STK32C: variants seen among roughly 807,000 people sequenced by gnomAD.
The protein encoded by STK32C is serine/threonine-protein kinase 32C.
A neutral mutation model predicts 56.5 loss-of-function variants in STK32C; 31 were observed. The ratio of observed to expected loss-of-function variants is 0.55; its 90% CI spans 0.41 to 0.74. The LOEUF (loss-of-function observed/expected upper bound fraction) is 0.74. Among genes scored for constraint, STK32C ranks in the 30% least tolerant of loss-of-function variants. The probability of loss-of-function intolerance (pLI) is 0.00; values close to 1 mark genes in which losing one functional copy is unlikely to be tolerated. For synonymous variants in STK32C, 309 were observed against 289.4 expected (o/e 1.07, Z -0.69); for missense variants, 544 against 676.9 (o/e 0.80, Z 2.18).
chr10:132,234,022 T>C (rs2063188774), intron 2 of STK32C, among the ~76,000 whole-genome samples: 1 of 152,192 alleles, frequency 6.6e-6, no homozygotes, highest in South Asian at 2.1e-4. Flanking sequence ...CAAGCGATCG[T>C]TCCGATGAGG....
At chr10:132,248,401 A>AG (rs1330415190) in intron 1 of STK32C, among the ~76,000 whole-genome samples, 1 of 152,214 alleles carries the variant, frequency 6.6e-6, no homozygotes, top group African/African-American at 2.4e-5. Context: ...ACAGGGTGTC[A>AG]GGGCGAGGCC....
rs758310534 is a variant in STK32C at position 132,222,916 on chromosome 10, C to G, written c.1064G>C (p.Gly355Ala). Residue 355 changes from glycine (G) to alanine (A), a missense_variant, in exon 9 of 12, where the codon GGC (glycine) becomes GCC (alanine). By Grantham distance (60) the Gly-to-Ala change is moderately conservative. Coordinates refer to ENST00000298630, the MANE Select transcript of STK32C (RefSeq NM_173575.4). ...QDVQAAPALA[G>A]VLWDHLSEKR... ...CTCGCTCAGGTGGTCCCACAGCACGCCGGCCAGCGCCGGGGCTGCCTGCAC... is the reference window on the plus strand; with the variant it reads ...CTCGCTCAGGTGGTCCCACAGCACGGCGGCCAGCGCCGGGGCTGCCTGCAC... The G allele has an allele frequency of 2.6e-6, 4 of 1,559,968 alleles. No homozygotes were observed. In the South Asian group the frequency reaches 4.7e-5, roughly 18 times the overall value.
chr10:132,316,683 C>T (rs1428189874), intron 1 of STK32C, among the ~76,000 whole-genome samples: 1 of 151,800 alleles, frequency 6.6e-6, no homozygotes, highest in Non-Finnish European at 1.5e-5. Flanking sequence ...ATGTATAAAG[C>T]CCCAGGATTA....
chr10:132,220,926 C>T (rs530362249), intron 10 of STK32C, among the ~76,000 whole-genome samples: 2 of 152,354 alleles, frequency 1.3e-5, no homozygotes, highest in African/African-American at 2.4e-5. Context: ...TCACCTTACC[C>T]GCTGCCTAGA....
At chr10:132,256,854 G>A (rs1266267776) in intron 1 of STK32C, among the ~76,000 whole-genome samples, 5 of 152,250 alleles carry the variant, frequency 3.3e-5, no homozygotes, top group Non-Finnish European at 4.4e-5. Context: ...AGCTGCAATG[G>A]AGACAGCCCT....
chr10:132,207,771 T>G lies in STK32C; in HGVS notation c.*239A>C, dbSNP rs1199982669. 2.3e-6 allele frequency: 1 copy of G among 426,040 alleles called. No homozygotes were observed. The highest frequency in any genetic ancestry group is 6.2e-4 in the Middle Eastern group (1 of 1,606). 26.4% of individuals were successfully genotyped at this position (426,040 alleles called of 1,614,324 possible). A position where few individuals can be genotyped will look rare whatever the true frequency, so the allele number is the denominator to read the frequency against. On this transcript the variant is annotated 3_prime_UTR_variant, in exon 12 of 12. Transcript: ENST00000298630. ...TAAGAGGGCGCCCAGCAGCGCTTCC[T>G]CCATCTAGGCGGGTCTCGGGGGCCC...
intron 1 of STK32C, among the ~76,000 whole-genome samples, chr10:132,275,144 A>G (rs546548498): frequency 6.6e-6 from 1 of 152,292 alleles, no homozygotes; most frequent in East Asian, 1.9e-4. Flanking sequence ...CATCTGGCCC[A>G]TCAGCCCGTC....
chr10:132,226,235 G>T (rs915228464), intron 4 of STK32C, among the ~76,000 whole-genome samples: 10 of 152,210 alleles, frequency 6.6e-5, no homozygotes, highest in Non-Finnish European at 1.2e-4. Context: ...GCAAACACCA[G>T]TCCATTCGAC....
chr10:132,291,432 C>T (rs561663457), intron 1 of STK32C, among the ~76,000 whole-genome samples: 7 of 152,294 alleles, frequency 4.6e-5, no homozygotes, highest in South Asian at 2.1e-4. Context: ...GACACCTCCT[C>T]GTGGCCTTGG....
intron 2 of STK32C, among the ~76,000 whole-genome samples, chr10:132,238,224 G>A (rs867579134): frequency 2.6e-5 from 4 of 152,178 alleles, no homozygotes; most frequent in Middle Eastern, 3.2e-3. Context: ...AGGCCCCCAC[G>A]GGAAGCTACA....
chr10:132,282,715 G>T (rs1016683766), intron 1 of STK32C, among the ~76,000 whole-genome samples: 3 of 152,236 alleles, frequency 2.0e-5, no homozygotes, highest in African/African-American at 4.8e-5. Context: ...CAAAGCATCC[G>T]ATCACCCAGC....
At chr10:132,278,678 T>C (rs1433538004) in intron 1 of STK32C, among the ~76,000 whole-genome samples, 3 of 145,960 alleles carry the variant, frequency 2.1e-5, no homozygotes, top group Non-Finnish European at 1.5e-5. Context: ...GAGAATGGCA[T>C]GAACCCGGGA....
chr10:132,219,089 C>T (rs2137632485), intron 10 of STK32C, among the ~76,000 whole-genome samples: 1 of 152,290 alleles, frequency 6.6e-6, no homozygotes, highest in African/African-American at 2.4e-5. Context: ...GGGTCTTTCT[C>T]TTACATTACA....
chr10:132,234,916 G>A (rs551380892), intron 2 of STK32C, among the ~76,000 whole-genome samples: 1 of 152,370 alleles, frequency 6.6e-6, no homozygotes, highest in East Asian at 1.9e-4. Flanking sequence ...CAGGGCAAGT[G>A]ATGTGGCTGT....
At chr10:132,265,075 AGGTGGGCTCTGGGGGTGCCTCAAGGGCG>A (rs1446580751) in intron 1 of STK32C, among the ~76,000 whole-genome samples, 18 of 141,278 alleles carry the variant, frequency 1.3e-4, no homozygotes, top group African/African-American at 4.3e-4. Flanking sequence ...AAGGGCGGTG[AGGTGGGCTCTGGGGGTGCCTCAAGGGCG>A]GTGAGGTGGG....
intron 10 of STK32C, among the ~76,000 whole-genome samples, chr10:132,211,963 T>C (rs2637631): frequency 0.82 from 124,146 of 151,880 alleles, 50,876 homozygotes; most frequent in East Asian, 0.96. Flanking sequence ...TCAGGGCACC[T>C]GTGGCACCTT....
chr10:132,288,278 A>T (rs539521937), intron 1 of STK32C, among the ~76,000 whole-genome samples: 1 of 152,386 alleles, frequency 6.6e-6, no homozygotes, highest in East Asian at 1.9e-4. Flanking sequence ...AATCCTTGTG[A>T]TCAAGCGCTG....
At chr10:132,281,104 T>C (rs2065189212) in intron 1 of STK32C, among the ~76,000 whole-genome samples, 1 of 151,942 alleles carries the variant, frequency 6.6e-6, no homozygotes, top group Non-Finnish European at 1.5e-5. Context: ...CTGCACTCCA[T>C]GATCATGCCA....
intron 1 of STK32C, among the ~76,000 whole-genome samples, chr10:132,248,033 G>A (rs115344503): frequency 0.017 from 2,644 of 152,042 alleles, 83 homozygotes; most frequent in African/African-American, 0.059. Context: ...CCAGGCGGCA[G>A]CTGCCCCACC....
Sources: allele counts gnomAD v4.1 joint callset (sites outside exome capture counted in the v4.1 genomes callset), GRCh38; gene constraint gnomAD v4.1.1; transcripts MANE v1.5; gene names NCBI Gene and HGNC (gene_info 2026-07-23, HGNC 2026-07-21).